TSTD2: variants seen among roughly 807,000 people sequenced by gnomAD.
The protein encoded by TSTD2 is thiosulfate sulfurtransferase like domain containing 2.
TSTD2 carries 37 observed loss-of-function variants against 47.9 expected under a neutral mutation model. The observed-to-expected ratio is 0.77, with a 90% CI of 0.59 to 1.02. The LOEUF (loss-of-function observed/expected upper bound fraction) is 1.02, where lower values mean the gene tolerates loss of function less well. TSTD2 is among the 50% of genes least tolerant of loss of function. The probability of loss-of-function intolerance (pLI) is 0.00; values close to 1 mark genes in which losing one functional copy is unlikely to be tolerated. For synonymous variants in TSTD2, 201 were observed against 215.9 expected (o/e 0.93, Z 0.61); for missense variants, 586 against 616.0 (o/e 0.95, Z 0.52).
At chr9:97,624,413 C>A (rs1056491108) in intron 3 of TSTD2, among the ~76,000 whole-genome samples, 1 of 152,080 alleles carries the variant, frequency 6.6e-6, no homozygotes, top group Non-Finnish European at 1.5e-5. Flanking sequence ...AACCTGGAAA[C>A]AGATTTACTG....
intron 3 of TSTD2, among the ~76,000 whole-genome samples, chr9:97,620,412 T>C (rs1350427600): frequency 1.3e-5 from 2 of 152,114 alleles, no homozygotes; most frequent in African/African-American, 2.4e-5. Flanking sequence ...ATCAGCAGCA[T>C]GAAAATGAAC....
At chr9:97,617,311 A>G (rs1826560109) in intron 4 of TSTD2, among the ~76,000 whole-genome samples, 1 of 152,222 alleles carries the variant, frequency 6.6e-6, no homozygotes, top group South Asian at 2.1e-4. Flanking sequence ...AAAATTAAGA[A>G]GCAACTTGGA....
intron 6 of TSTD2, among the ~76,000 whole-genome samples, chr9:97,606,625 TGGTA>T (rs1381321302): frequency 1.3e-5 from 2 of 152,224 alleles, no homozygotes; most frequent in Non-Finnish European, 2.9e-5. Flanking sequence ...GTATGGTCAC[TGGTA>T]GGTCAGGAAA....
intron 3 of TSTD2, among the ~76,000 whole-genome samples, chr9:97,619,266 G>A (rs545481456): frequency 4.7e-4 from 72 of 152,270 alleles, no homozygotes; most frequent in Admixed American, 9.8e-4. Flanking sequence ...AGGGAATGTG[G>A]CACTGAGTAG....
intron 4 of TSTD2, among the ~76,000 whole-genome samples, chr9:97,613,744 C>T (rs1380160072): frequency 1.3e-5 from 2 of 151,840 alleles, no homozygotes; most frequent in East Asian, 1.9e-4. Flanking sequence ...TATACCAGTA[C>T]TTCATAATTT....
In TSTD2 at chr9:97,611,746, G is replaced by A. The variant is rs973955182; in HGVS notation, c.604-47C>T. ...AAGAGAACAGATTGTTCTTAGCTTG[G>A]TTATCTTTCCAGGGAAGAACAATAG... On this transcript the variant is annotated intron_variant, in intron 4 of 9. Transcript: ENST00000341170. The A allele has an allele frequency of 6.4e-6, 10 of 1,571,500 alleles. No individual in the cohort carries two copies. The East Asian group carries it at 2.0e-4, about 32-fold the overall frequency.
In TSTD2 at chr9:97,625,149, A is replaced by G. The variant is rs371401126; in HGVS notation, c.482+532T>C. 3.5e-4 allele frequency among the ~76,000 whole-genome samples: 53 copies of G among 152,282 alleles called. No individual in the cohort carries two copies. The East Asian group carries it at 7.3e-3, about 21-fold the overall frequency. On this transcript the variant is annotated intron_variant, in intron 3 of 9. Transcript: ENST00000341170. ...TTTCTGCCAGAACCTTTCTATCATC[A>G]TATATTAGTTTTGCCTTCAAGTACA...
At chr9:97,630,602 CTCTA>C (rs973716974) in intron 1 of TSTD2, among the ~76,000 whole-genome samples, 11 of 152,238 alleles carry the variant, frequency 7.2e-5, no homozygotes, top group African/African-American at 2.7e-4. Flanking sequence ...TGTTGAACCA[CTCTA>C]TCTATACTTA....
chr9:97,626,496 G>A (rs1448178610), intron 2 of TSTD2, among the ~76,000 whole-genome samples: 2 of 152,112 alleles, frequency 1.3e-5, no homozygotes, highest in East Asian at 3.8e-4. Flanking sequence ...CATTGAAAAA[G>A]ACCAGGAAGA....
At chr9:97,603,636 T>C (rs1338514179) in intron 9 of TSTD2, among the ~76,000 whole-genome samples, 2 of 152,184 alleles carry the variant, frequency 1.3e-5, no homozygotes, top group Non-Finnish European at 2.9e-5. Context: ...CAGAGAGCTA[T>C]GAGTTCCTAA....
At chr9:97,611,236 T>G (rs59532929) in intron 5 of TSTD2, 19,324 of 185,590 alleles carry the variant, frequency 0.1, 3,144 homozygotes, top group African/African-American at 0.37. Flanking sequence ...AAGAGTTCCA[T>G]ACCAGCCTGG....
At chr9:97,620,086 A>G (rs796936942) in intron 3 of TSTD2, among the ~76,000 whole-genome samples, 3 of 152,310 alleles carry the variant, frequency 2.0e-5, no homozygotes, top group African/African-American at 7.2e-5. Context: ...TCCCCACCCA[A>G]ATCTCATCTT....
At chr9:97,615,806 A>G (rs1048376615) in intron 4 of TSTD2, among the ~76,000 whole-genome samples, 2 of 152,206 alleles carry the variant, frequency 1.3e-5, no homozygotes, top group East Asian at 3.8e-4. Context: ...GAGAGTATCC[A>G]TCTTTCAGGG....
At chr9:97,625,202 C>T (rs1826700407) in intron 3 of TSTD2, among the ~76,000 whole-genome samples, 1 of 152,150 alleles carries the variant, frequency 6.6e-6, no homozygotes, top group South Asian at 2.1e-4. Flanking sequence ...TATTGTCTGG[C>T]TATTTTCACT....
chr9:97,620,045 G>A (rs564964128), intron 3 of TSTD2, among the ~76,000 whole-genome samples: 3 of 152,168 alleles, frequency 2.0e-5, no homozygotes, highest in East Asian at 3.9e-4. Flanking sequence ...AACTGTATCT[G>A]GCAATAAAAA....
intron 5 of TSTD2, among the ~76,000 whole-genome samples, chr9:97,611,304 CT>C (rs1179732836): frequency 1.3e-5 from 2 of 152,050 alleles, no homozygotes; most frequent in Non-Finnish European, 2.9e-5. Context: ...TGATGCACGC[CT>C]ATGGTCCTAG....
At chr9:97,615,665 T>G (rs991239755) in intron 4 of TSTD2, among the ~76,000 whole-genome samples, 2 of 152,320 alleles carry the variant, frequency 1.3e-5, no homozygotes, top group Admixed American at 6.5e-5. Flanking sequence ...ATATCCAAGA[T>G]CTAGGCAAGT....
At chr9:97,630,746 G>A (rs770931154) in intron 1 of TSTD2, among the ~76,000 whole-genome samples, 1 of 152,178 alleles carries the variant, frequency 6.6e-6, no homozygotes, top group Non-Finnish European at 1.5e-5. Context: ...TTGATGATGA[G>A]TACATGGGGT....
chr9:97,625,541 C>G (rs1126122), intron 3 of TSTD2, 140 bp downstream of exon 3: 10,859 of 795,588 alleles, frequency 0.014, 524 homozygotes, highest in East Asian at 0.1. Context: ...ACTGGGTGTT[C>G]CAGTTGTTCC....
Sources: gnomAD v4.1 joint callset for allele counts (sites outside exome capture counted in the v4.1 genomes callset) on GRCh38, gnomAD v4.1.1 for gene constraint, MANE v1.5 for transcripts, NCBI Gene and HGNC (gene_info 2026-07-23, HGNC 2026-07-21) for gene names.